SPPL3: variants seen among roughly 807,000 people sequenced by gnomAD.
SPPL3 encodes signal peptide peptidase like 3, also known as signal peptide peptidase-like 3.
A neutral mutation model predicts 42.4 loss-of-function variants in SPPL3; 5 were observed. The ratio of observed to expected loss-of-function variants is 0.12; its 90% CI spans 0.06 to 0.25. The LOEUF (loss-of-function observed/expected upper bound fraction) is 0.25. Among genes scored for constraint, SPPL3 ranks in the 10% least tolerant of loss-of-function variants. The pLI is 1.00. For synonymous variants in SPPL3, 195 were observed against 181.8 expected (o/e 1.07, Z -0.58); for missense variants, 235 against 489.0 (o/e 0.48, Z 4.90).
intron 3 of SPPL3, among the ~76,000 whole-genome samples, chr12:120,786,277 C>T (rs951064991): frequency 5.3e-5 from 8 of 152,146 alleles, no homozygotes; most frequent in African/African-American, 1.7e-4. Flanking sequence ...GGAAGTGTAT[C>T]CATTAGACAA....
At chr12:120,820,296 C>A (rs1362460013) in intron 1 of SPPL3, among the ~76,000 whole-genome samples, 1 of 144,560 alleles carries the variant, frequency 6.9e-6, no homozygotes, top group Admixed American at 6.9e-5. Flanking sequence ...TAATTTGTAT[C>A]TTTCTCTAAA....
intron 2 of SPPL3, among the ~76,000 whole-genome samples, chr12:120,792,320 T>C (rs942432041): frequency 4.9e-5 from 7 of 143,254 alleles, no homozygotes; most frequent in African/African-American, 1.9e-4. Flanking sequence ...GTGAATAATG[T>C]TGTGTACAAA....
chr12:120,860,926 A>G (rs1013351782), intron 1 of SPPL3, among the ~76,000 whole-genome samples: 1 of 152,140 alleles, frequency 6.6e-6, no homozygotes, highest in African/African-American at 2.4e-5. Flanking sequence ...CCCTTATAAA[A>G]CAGTGTAGTA....
At chr12:120,889,086 T>C (rs1219601637) in intron 1 of SPPL3, among the ~76,000 whole-genome samples, 1 of 152,164 alleles carries the variant, frequency 6.6e-6, no homozygotes, top group Non-Finnish European at 1.5e-5. Context: ...AATGCTGAGA[T>C]TACAGGCATG....
chr12:120,903,773 C>T (rs1430589575), intron 1 of SPPL3, 72 bp downstream of exon 1: 3 of 1,214,418 alleles, frequency 2.5e-6, no homozygotes, highest in Middle Eastern at 2.7e-4. Flanking sequence ...CTCCTCTTCC[C>T]CTCGGCGGGC....
At chr12:120,892,630 G>A (rs1261921254) in intron 1 of SPPL3, among the ~76,000 whole-genome samples, 1 of 152,174 alleles carries the variant, frequency 6.6e-6, no homozygotes, top group African/African-American at 2.4e-5. Flanking sequence ...TCAGATTGTA[G>A]AGGGTAGATT....
chr12:120,875,177 C>A (rs1873048562), intron 1 of SPPL3, among the ~76,000 whole-genome samples: 1 of 152,112 alleles, frequency 6.6e-6, no homozygotes, highest in African/African-American at 2.4e-5. Flanking sequence ...AAATGCCTAA[C>A]CCACAGACTA....
intron 6 of SPPL3, among the ~76,000 whole-genome samples, chr12:120,772,005 A>C (rs1209349181): frequency 6.6e-6 from 1 of 152,108 alleles, no homozygotes; most frequent in Non-Finnish European, 1.5e-5. Context: ...TCCTGATCCA[A>C]CCAGTCAGTT....
chr12:120,895,167 C>T (rs575839730), intron 1 of SPPL3, among the ~76,000 whole-genome samples: 2 of 152,198 alleles, frequency 1.3e-5, no homozygotes, highest in South Asian at 4.2e-4. Context: ...GTGGCTCACG[C>T]CTGTAATCCC....
intron 1 of SPPL3, among the ~76,000 whole-genome samples, chr12:120,843,647 A>G (rs897538844): frequency 3.3e-5 from 5 of 152,120 alleles, no homozygotes; most frequent in South Asian, 2.1e-4. Context: ...AGAAAGTCCA[A>G]TGGTTTCAAA....
chr12:120,825,033 C>T (rs1871197008), intron 1 of SPPL3, among the ~76,000 whole-genome samples: 1 of 151,812 alleles, frequency 6.6e-6, no homozygotes, highest in East Asian at 1.9e-4. Flanking sequence ...CATAGTGTGC[C>T]CTTCCTTATA....
intron 6 of SPPL3, among the ~76,000 whole-genome samples, chr12:120,776,488 G>GT (rs1402040359): frequency 4.6e-5 from 7 of 152,056 alleles, no homozygotes; most frequent in Non-Finnish European, 1.0e-4. Context: ...CCTGTCTGCA[G>GT]AAGTACAACG....
chr12:120,772,311 C>G (rs574860848), intron 6 of SPPL3, among the ~76,000 whole-genome samples: 2 of 152,184 alleles, frequency 1.3e-5, no homozygotes, highest in African/African-American at 4.8e-5. Flanking sequence ...CATGAGCCAC[C>G]GCGCCCGGCC....
intron 6 of SPPL3, among the ~76,000 whole-genome samples, chr12:120,771,350 C>T (rs916203202): frequency 3.3e-5 from 5 of 152,222 alleles, no homozygotes; most frequent in Non-Finnish European, 7.3e-5. Context: ...GCCACGCCGC[C>T]GCTTCAGTGC....
At chr12:120,842,360 T>C (rs939530388) in intron 1 of SPPL3, among the ~76,000 whole-genome samples, 3 of 152,182 alleles carry the variant, frequency 2.0e-5, no homozygotes, top group African/African-American at 7.2e-5. Flanking sequence ...GGCAGAACAT[T>C]ACACTATACA....
chr12:120,883,414 T>C (rs1434677819), intron 1 of SPPL3, among the ~76,000 whole-genome samples: 1 of 152,154 alleles, frequency 6.6e-6, no homozygotes, highest in Non-Finnish European at 1.5e-5. Context: ...GAGGAACATA[T>C]AGGAGACTAT....
Position 120,791,453 on chromosome 12 carries a change from A to G in SPPL3, c.190+16T>C. 1 of 1,554,620 alleles carries G rather than the reference A, an allele frequency of 6.4e-7. No individual in the cohort carries two copies. The highest frequency in any genetic ancestry group is 2.0e-4 in the Middle Eastern group (1 of 4,994). On this transcript the variant is annotated intron_variant, in intron 3 of 10. Transcript: ENST00000353487. ...AAACTATATGTACAGAAGTTAATTG[A>G]CATAAAATATCTTACTATTATTGGT...
In SPPL3 at chr12:120,764,882, G is replaced by A. The variant is rs967303566; in HGVS notation, c.*117C>T. ...CTTTAAATGCCAAATCCAGTCACAC[G>A]GCAGTTCCTTAAACACAGGTACATT... On this transcript the variant is annotated 3_prime_UTR_variant, in exon 11 of 11. Coordinates refer to ENST00000353487, the MANE Select transcript of SPPL3 (RefSeq NM_139015.5). The A allele has an allele frequency of 1.4e-5, 15 of 1,073,802 alleles. No individual in the cohort carries two copies. The highest frequency in any genetic ancestry group is 8.3e-5 in the East Asian group (3 of 36,146). 66.5% of individuals were successfully genotyped at this position (1,073,802 alleles called of 1,614,324 possible). A position where few individuals can be genotyped will look rare whatever the true frequency, so the allele number is the denominator to read the frequency against.
At chr12:120,865,281 A>G (rs1483543221) in intron 1 of SPPL3, among the ~76,000 whole-genome samples, 9 of 152,170 alleles carry the variant, frequency 5.9e-5, no homozygotes, top group Admixed American at 5.9e-4. Context: ...TCACGCTCAT[A>G]GCGAACTGTA....
Sources: gnomAD v4.1 joint callset for allele counts (sites outside exome capture counted in the v4.1 genomes callset) on GRCh38, gnomAD v4.1.1 for gene constraint, MANE v1.5 for transcripts, NCBI Gene and HGNC (gene_info 2026-07-23, HGNC 2026-07-21) for gene names.